ZNF777: variants seen among roughly 807,000 people sequenced by gnomAD.
ZNF777 encodes zinc finger protein 777.
In ZNF777, 7 loss-of-function variants were observed where a neutral mutation model predicts 72.1. That is an observed-to-expected ratio of 0.10 (90% CI 0.06 to 0.18). The LOEUF (loss-of-function observed/expected upper bound fraction) is 0.18. ZNF777 is among the 10% of genes least tolerant of loss of function. The pLI is 1.00. For missense variants in ZNF777, 828 were observed against 1,128.6 expected (o/e 0.73, Z 3.82); for synonymous variants, 545 against 483.5 (o/e 1.13, Z -1.67).
At chr7:149,440,048 T>C (rs1799481029) in intron 4 of ZNF777, among the ~76,000 whole-genome samples, 1 of 152,200 alleles carries the variant, frequency 6.6e-6, no homozygotes, top group Non-Finnish European at 1.5e-5. Flanking sequence ...TGGAAGAAGC[T>C]TTGTTATGGA....
At chr7:149,449,561 T>C (rs1425889624) in intron 4 of ZNF777, among the ~76,000 whole-genome samples, 4 of 152,282 alleles carry the variant, frequency 2.6e-5, no homozygotes, top group African/African-American at 9.6e-5. Flanking sequence ...TTTTAGGATT[T>C]TAACCACAAA....
Position 149,436,131 on chromosome 7 carries a change from C to T in ZNF777, c.1339+444G>A, listed in dbSNP as rs911899524. On this transcript the variant is annotated intron_variant, in intron 5 of 5. Transcript: ENST00000247930. This position sits in a 1 kb window ranked among gnomAD's most constrained non-coding sequence, Gnocchi z 5.0. ...ATTAAACAAAAATGAAGACTAGGTT[C>T]GACCACAGAATGCCGGTGCTATTGT... Among the ~76,000 whole-genome samples, 6 of 152,148 alleles carry T rather than the reference C, an allele frequency of 3.9e-5. No homozygotes were observed. The highest frequency in any genetic ancestry group is 3.3e-4 in the Admixed American group (5 of 15,280).
At chr7:149,459,453 A>C (rs1036487540) in intron 1 of ZNF777, among the ~76,000 whole-genome samples, 5 of 151,994 alleles carry the variant, frequency 3.3e-5, no homozygotes, top group Admixed American at 2.0e-4. Context: ...TGGAGCTCAG[A>C]GGGTCACCTG....
intron 4 of ZNF777, among the ~76,000 whole-genome samples, chr7:149,440,302 G>A (rs996661619): frequency 2.0e-5 from 3 of 152,184 alleles, no homozygotes; most frequent in Non-Finnish European, 4.4e-5. Context: ...GTGACCTGGG[G>A]GCTTTATGCC....
intron 1 of ZNF777, among the ~76,000 whole-genome samples, chr7:149,456,915 C>T (rs1412339590): frequency 2.6e-5 from 4 of 152,144 alleles, no homozygotes; most frequent in Admixed American, 1.3e-4. Flanking sequence ...AGCGAGACAT[C>T]GAGGCAGGTG....
intron 4 of ZNF777, among the ~76,000 whole-genome samples, chr7:149,449,377 G>A (rs972387512): frequency 6.6e-6 from 1 of 152,230 alleles, no homozygotes; most frequent in East Asian, 1.9e-4. Flanking sequence ...GGACCGAATG[G>A]ATTTGGGTTA....
In ZNF777 at chr7:149,451,045, C is replaced by T. The variant is rs1197572364; in HGVS notation, c.1041G>A (p.Glu347=). ...MERGERPTMQ[E]QEDSEEGETP... is the part of the protein sequence containing the mutation. ...TTTCGCCCTCCTCAGAGTCTTCCTG[C>T]TCCTGCATGGTGGGCCGCTCCCCGC... is the stretch of plus-strand genomic sequence containing the variant. The change falls in exon 4 of 6, where the codon GAG becomes GAA. Residue 347 remains glutamate (E), a synonymous_variant. Transcript: ENST00000247930. 1.9e-6 allele frequency: 3 copies of T among 1,614,032 alleles called. No homozygotes were observed. Among genetic ancestry groups the T allele is most frequent in the Non-Finnish European group, 2.5e-6 (3 of 1,180,032 alleles).
At chr7:149,457,253 T>C (rs890174882) in intron 1 of ZNF777, among the ~76,000 whole-genome samples, 23 of 152,234 alleles carry the variant, frequency 1.5e-4, no homozygotes, top group African/African-American at 5.3e-4. Flanking sequence ...TAACTAGTTA[T>C]GTATTTACCT....
rs187851277 is a variant in ZNF777 at position 149,434,887 on chromosome 7, C to T, written c.1339+1688G>A. ...ATAGGCATGAGCCACCGCTCCTGGCCGAAGGTGCTTTTTTCTTCATGGAAT... is the reference window on the plus strand; with the variant it reads ...ATAGGCATGAGCCACCGCTCCTGGCTGAAGGTGCTTTTTTCTTCATGGAAT... On this transcript the variant is annotated intron_variant, in intron 5 of 5. Transcript: ENST00000247930. Among the ~76,000 whole-genome samples, 6 of 152,252 alleles carry T rather than the reference C, an allele frequency of 3.9e-5. No homozygotes were observed. The East Asian group carries it at 1.2e-3, about 29-fold the overall frequency.
rs1472913854 is a variant in ZNF777 at position 149,432,543 on chromosome 7, C to T, written c.1729G>A (p.Ala577Thr). 1.9e-6 allele frequency: 3 copies of T among 1,613,626 alleles called. No homozygotes were observed. The highest frequency in any genetic ancestry group is 1.7e-5 in the Admixed American group (1 of 59,984). The change falls in exon 6 of 6, where the codon GCC becomes ACC. Residue 577 changes from alanine (A) to threonine (T), a missense_variant. Coordinates refer to ENST00000247930, the MANE Select transcript of ZNF777 (RefSeq NM_015694.3). ...TGCCGGAAGCTGATCTCGCATTCGG[C>T]GCACTCGTAGGGCCCCTCCTTGATG... The part of the protein sequence containing the change: ...NHIKEGPYEC[A>T]ECEISFRHKQ...
chr7:149,448,609 A>G (rs947931985), intron 4 of ZNF777, among the ~76,000 whole-genome samples: 4 of 134,642 alleles, frequency 3.0e-5, no homozygotes, highest in Admixed American at 7.6e-5. Context: ...ATATATATAT[A>G]TAGTAAAGAA....
In ZNF777 at chr7:149,431,799, G is replaced by A. The variant is rs1164609890; in HGVS notation, c.2473C>T (p.Leu825=). ...FRYKQSLKYH[L]RTHTGE ...GCTCACTCGCCCGTGTGGGTCCGCA[G>A]GTGGTACTTGAGCGACTGCTTGTAG... is the stretch of plus-strand genomic sequence containing the variant. Residue 825 remains leucine, a synonymous_variant, in exon 6 of 6, where the codon CTG becomes TTG. Coordinates refer to ENST00000247930, the MANE Select transcript of ZNF777 (RefSeq NM_015694.3). 2.5e-6 allele frequency: 4 copies of A among 1,598,874 alleles called. No homozygotes were observed. In the South Asian group the frequency reaches 4.4e-5, roughly 18 times the overall value.
intron 5 of ZNF777, among the ~76,000 whole-genome samples, chr7:149,435,714 T>C (rs1241683726): frequency 1.3e-5 from 2 of 152,176 alleles, no homozygotes; most frequent in Non-Finnish European, 2.9e-5. Context: ...CAAAAGTCCA[T>C]GTGGGTTCTA....
At chr7:149,450,934 G>T in intron 4 of ZNF777, 65 bp downstream of exon 4, 2 of 1,442,594 alleles carry the variant, frequency 1.4e-6, no homozygotes, top group Non-Finnish European at 1.9e-6. Flanking sequence ...GCTGCCTCAT[G>T]CTGGCGCTTC....
At chr7:149,454,315 A>T in intron 2 of ZNF777, 78 bp from the exon 3 acceptor site, 1 of 1,585,272 alleles carries the variant, frequency 6.3e-7, no homozygotes, top group East Asian at 2.2e-5. Flanking sequence ...CCAAGGCCCA[A>T]ACTCCTGGCT....
intron 4 of ZNF777, among the ~76,000 whole-genome samples, chr7:149,448,006 T>C (rs1326431764): frequency 6.6e-6 from 1 of 152,206 alleles, no homozygotes; most frequent in African/African-American, 2.4e-5. Context: ...GAGTGAAACT[T>C]ATGGTTTCAA....
At chr7:149,435,292 T>G (rs1161377207) in intron 5 of ZNF777, among the ~76,000 whole-genome samples, 2 of 152,066 alleles carry the variant, frequency 1.3e-5, no homozygotes, top group Non-Finnish European at 2.9e-5. Flanking sequence ...CACCTCAGCC[T>G]CCCAAGGAGC....
chr7:149,459,235 C>T (rs1799893191), intron 1 of ZNF777, among the ~76,000 whole-genome samples: 1 of 152,172 alleles, frequency 6.6e-6, no homozygotes, highest in Non-Finnish European at 1.5e-5. Context: ...GGCACTGACT[C>T]CCATGCAGTA....
chr7:149,460,158 G>C lies in ZNF777; in HGVS notation c.-16+657C>G. ...GCCGCCTCGGCCATGGCCCTGCGCT[G>C]TCCGGCCCGGGCCCCCGGAGTCGCC... is the stretch of plus-strand genomic sequence containing the variant. On this transcript the variant is annotated intron_variant, in intron 1 of 5. Coordinates refer to ENST00000247930, the MANE Select transcript of ZNF777 (RefSeq NM_015694.3). This position sits in a 1 kb window ranked among gnomAD's most constrained non-coding sequence, Gnocchi z 6.1. 1.0e-6 allele frequency: 1 copy of C among 963,650 alleles called. No homozygotes were observed. The highest frequency in any genetic ancestry group is 1.2e-6 in the Non-Finnish European group (1 of 812,634). The allele number at this position is 963,650 out of a possible 1,614,324, so 59.7% of individuals were successfully genotyped here. A position where few individuals can be genotyped will look rare whatever the true frequency, so the allele number is the denominator to read the frequency against.
Sources: gnomAD v4.1 joint callset for allele counts (sites outside exome capture counted in the v4.1 genomes callset) on GRCh38, gnomAD v4.1.1 for gene constraint, Gnocchi (gnomAD v3.1) non-coding constraint, MANE v1.5 for transcripts, NCBI Gene and HGNC (gene_info 2026-07-23, HGNC 2026-07-21) for gene names.